Variants in SLC16A7 observed in about 807,000 individuals in gnomAD.
SLC16A7 encodes monocarboxylate transporter 2.
In SLC16A7, 33 loss-of-function variants were observed where a neutral mutation model predicts 34.9. The ratio of observed to expected loss-of-function variants is 0.94; its 90% CI spans 0.72 to 1.26. The LOEUF is 1.26. Ranked by LOEUF, SLC16A7 falls within the 50% of genes most tolerant of loss-of-function variation. The pLI is 0.00. For missense variants in SLC16A7, 573 were observed against 578.1 expected, an observed-to-expected ratio of 0.99 and a Z score of 0.09; for synonymous variants, 201 against 206.6, an observed-to-expected ratio of 0.97 and a Z score of 0.23.
chr12:59,704,675 G>A (rs1873352479), intron 2 of SLC16A7, 97 bp from the exon 3 acceptor site: 1 of 631,482 alleles, frequency 1.6e-6, no homozygotes, highest in Non-Finnish European at 2.8e-6. Context: ...AAATCATATT[G>A]TAGTTTTAAC....
At chr12:59,715,866 A>G (rs1032632801) in intron 3 of SLC16A7, among the ~76,000 whole-genome samples, 1 of 152,182 alleles carries the variant, frequency 6.6e-6, no homozygotes, top group Non-Finnish European at 1.5e-5. Context: ...TTTTTATTAC[A>G]GTTTGTTTAT....
At chr12:59,621,381 A>G (rs1361839130) in intron 1 of SLC16A7, among the ~76,000 whole-genome samples, 2 of 151,890 alleles carry the variant, frequency 1.3e-5, no homozygotes, top group Non-Finnish European at 2.9e-5. Context: ...CCTGGACTAT[A>G]GGCTACCACC....
At chr12:59,729,500 A>G (rs1248609371) in intron 3 of SLC16A7, among the ~76,000 whole-genome samples, 1 of 151,954 alleles carries the variant, frequency 6.6e-6, no homozygotes, top group Non-Finnish European at 1.5e-5. Context: ...CATTCCTATC[A>G]TTTGGTTATA....
At chr12:59,615,136 A>G (rs528039052) in intron 1 of SLC16A7, among the ~76,000 whole-genome samples, 43 of 152,298 alleles carry the variant, frequency 2.8e-4, no homozygotes, top group Non-Finnish European at 5.6e-4. Context: ...GCAACAAAGT[A>G]CTATCCTGGA....
At position 59,784,698 on chromosome 12, in the gene SLC16A7, C is replaced by A. The variant is rs1193384571; in HGVS notation, c.*5019C>A. The A allele has an allele frequency of 6.6e-6, 1 of 152,180 alleles. No homozygotes were observed. Among genetic ancestry groups the A allele is most frequent in the Admixed American group, 6.6e-5 (1 of 15,264 alleles). The allele number at this position is 152,180 out of a possible 1,614,324, so 9.4% of individuals were successfully genotyped here. On this transcript the variant is annotated 3_prime_UTR_variant, in exon 6 of 6. Transcript: ENST00000547379. Reference sequence around the variant, plus strand: ...GACTATAGTTCTCCTTAGCTCTATTCAAATAGTGCACTTGCAAGGCGCTGC... The same window carrying A: ...GACTATAGTTCTCCTTAGCTCTATTAAAATAGTGCACTTGCAAGGCGCTGC...
chr12:59,734,437 G>A (rs984136889), intron 3 of SLC16A7, among the ~76,000 whole-genome samples: 11 of 152,246 alleles, frequency 7.2e-5, no homozygotes, highest in African/African-American at 2.7e-4. Flanking sequence ...TTCTGAGCCT[G>A]CAGGGGCAGG....
intron 2 of SLC16A7, among the ~76,000 whole-genome samples, chr12:59,656,357 G>A (rs1349652413): frequency 6.6e-6 from 1 of 151,870 alleles, no homozygotes; most frequent in African/African-American, 2.4e-5. Context: ...TATGTGCATG[G>A]GCCCAGCGTC....
chr12:59,658,054 C>T (rs1592443369), intron 2 of SLC16A7, among the ~76,000 whole-genome samples: 1 of 152,126 alleles, frequency 6.6e-6, no homozygotes, highest in South Asian at 2.1e-4. Context: ...ATTCCTTACA[C>T]AGACACCTGA....
chr12:59,615,102 A>C (rs772899333), intron 1 of SLC16A7, among the ~76,000 whole-genome samples: 1 of 152,114 alleles, frequency 6.6e-6, no homozygotes, highest in Non-Finnish European at 1.5e-5. Flanking sequence ...TTCAGGACGC[A>C]ATGTTTCCTC....
chr12:59,731,033 T>C (rs1167362791), intron 3 of SLC16A7, among the ~76,000 whole-genome samples: 3 of 152,200 alleles, frequency 2.0e-5, no homozygotes, highest in African/African-American at 7.2e-5. Context: ...CCAAGACAGG[T>C]CCTCAATGTG....
chr12:59,719,935 C>T, intron 3 of SLC16A7: 1 of 563,396 alleles, frequency 1.8e-6, no homozygotes, highest in Non-Finnish European at 3.1e-6. Context: ...GGAACCTTAG[C>T]TATTATAAAC....
chr12:59,772,417 G>A (rs149326783), intron 4 of SLC16A7, among the ~76,000 whole-genome samples: 114 of 152,248 alleles, frequency 7.5e-4, no homozygotes, highest in African/African-American at 2.6e-3. Context: ...GTCGGGATGC[G>A]CCTACAAGTA....
chr12:59,733,147 C>T (rs11611808), intron 3 of SLC16A7, among the ~76,000 whole-genome samples: 22,751 of 152,162 alleles, frequency 0.15, 2,005 homozygotes, highest in Non-Finnish European at 0.19. Flanking sequence ...TTAGGGGTAT[C>T]GCTTCACCAG....
At chr12:59,771,793 AT>A (rs1390185589) in intron 4 of SLC16A7, among the ~76,000 whole-genome samples, 2 of 152,076 alleles carry the variant, frequency 1.3e-5, no homozygotes, top group Non-Finnish European at 2.9e-5. Context: ...CCAGAGAGAT[AT>A]TTTCTGGATG....
rs1279333823 is a variant in SLC16A7, at chr12:59,787,109, C to T, written c.*7430C>T. 1 of 152,072 alleles carries T rather than the reference C, an allele frequency of 6.6e-6. No homozygotes were observed. Among genetic ancestry groups the T allele is most frequent in the Non-Finnish European group, 1.5e-5 (1 of 67,986 alleles). The allele number at this position is 152,072 out of a possible 1,614,324, so 9.4% of individuals were successfully genotyped here. On this transcript the variant is annotated 3_prime_UTR_variant, in exon 6 of 6. Coordinates refer to ENST00000547379, the MANE Select transcript of SLC16A7 (RefSeq NM_001270623.2). ...ACATCAATATTGTATTAATAGAAAA[C>T]ATGTCAATATCTCATTAATTCCTTT...
At chr12:59,771,413 G>A (rs1303252207) in intron 4 of SLC16A7, 51 bp downstream of exon 4, 2 of 1,279,946 alleles carry the variant, frequency 1.6e-6, no homozygotes, top group Non-Finnish European at 1.1e-6. Flanking sequence ...TATTTTCAAA[G>A]CTCTATGAGA....
chr12:59,623,773 G>A (rs1170656396), intron 1 of SLC16A7, among the ~76,000 whole-genome samples: 2 of 151,524 alleles, frequency 1.3e-5, no homozygotes, highest in Non-Finnish European at 3.0e-5. Flanking sequence ...ATTTTGCGAA[G>A]GATGTTTAAG....
intron 2 of SLC16A7, among the ~76,000 whole-genome samples, chr12:59,659,062 A>G (rs1161443893): frequency 2.0e-5 from 3 of 152,050 alleles, no homozygotes; most frequent in South Asian, 2.1e-4. Flanking sequence ...AGGTAGTTTT[A>G]TTATTTTGCC....
chr12:59,716,666 G>A (rs1439451541), intron 3 of SLC16A7, among the ~76,000 whole-genome samples: 1 of 151,940 alleles, frequency 6.6e-6, no homozygotes, highest in Non-Finnish European at 1.5e-5. Flanking sequence ...TGGACAACAT[G>A]GTGAAACCCT....
Sources: gnomAD v4.1 joint callset for allele counts (sites outside exome capture counted in the v4.1 genomes callset) on GRCh38, gnomAD v4.1.1 for gene constraint, MANE v1.5 for transcripts, NCBI Gene and HGNC (gene_info 2026-07-23, HGNC 2026-07-21) for gene names.